The following ALK variants were observed in gnomAD, a reference collection of about 807,000 sequenced individuals.
ALK encodes ALK receptor tyrosine kinase.
A neutral mutation model predicts 163.1 loss-of-function variants in ALK; 74 were observed. The observed-to-expected ratio is 0.45, with a 90% confidence interval of 0.38 to 0.55. The LOEUF is 0.55. Ranked by LOEUF, ALK falls within the 20% of genes least tolerant of loss-of-function variation. ALK has a pLI of 0.00. For missense variants in ALK, 2,063 were observed against 2,105.3 expected (o/e 0.98, Z 0.39); for synonymous variants, 960 against 843.2 (o/e 1.14, Z -2.40).
intron 5 of ALK, among the ~76,000 whole-genome samples, chr2:29,351,680 T>C (rs951463883): frequency 1.3e-5 from 2 of 152,198 alleles, no homozygotes; most frequent in Non-Finnish European, 2.9e-5. Context: ...TTTATGGTGA[T>C]GATTGCAGCT....
chr2:29,637,787 G>A (rs1160925686), intron 3 of ALK, among the ~76,000 whole-genome samples: 2 of 150,678 alleles, frequency 1.3e-5, no homozygotes, highest in African/African-American at 4.9e-5. Flanking sequence ...TATCATGGTT[G>A]TGATATCACA....
Position 29,226,924 on chromosome 2 carries a change from A to T in ALK, c.3065T>A (p.Ile1022Asn), listed in dbSNP as rs778643763. 6.2e-7 allele frequency: 1 copy of T among 1,614,074 alleles called. No homozygotes were observed. The highest frequency in any genetic ancestry group is 1.1e-5 in the South Asian group (1 of 91,066). The change falls in exon 18 of 29, where the codon ATT (isoleucine) becomes AAT (asparagine). Residue 1022 changes from isoleucine (I) to asparagine (N), a missense_variant and splice_region_variant. Coordinates refer to ENST00000389048, the MANE Select transcript of ALK (RefSeq NM_004304.5). Reference sequence around the variant, plus strand: ...CTCCCCTGGCCCTGCCCCCTTACCAATGCAGGAGACGCCATCCTCAGCCAG... The same window carrying T: ...CTCCCCTGGCCCTGCCCCCTTACCATTGCAGGAGACGCCATCCTCAGCCAG... The part of the protein sequence containing the change: ...TVLAEDGVSC[I>N]VSPTPEPHLP...
At position 29,909,480 on chromosome 2, in the gene ALK, CAGAGAGAGAG is replaced by C. The variant is rs369360033; in HGVS notation, c.667+10503_667+10512del. On this transcript the variant is annotated intron_variant, in intron 1 of 28. Transcript: ENST00000389048. Reference sequence around the variant, plus strand: ...ACACACACAGAGAGAGACAGACAGACAGAGAGAGAGAGAGAGAGAGAGAGAGAGAGAGAGA... The same window carrying C: ...ACACACACAGAGAGAGACAGACAGACAGAGAGAGAGAGAGAGAGAGAGAGA... Among the ~76,000 whole-genome samples the C allele has an allele frequency of 6.0e-3, 822 of 135,978 alleles. 7 individuals are homozygous for C. The highest frequency in any genetic ancestry group is 0.02 in the African/African-American group (729 of 37,214). 89.2% of individuals were successfully genotyped at this position (135,978 alleles called of 152,430 possible).
chr2:29,558,331 A>C (rs1472456381), intron 3 of ALK, among the ~76,000 whole-genome samples: 1 of 152,194 alleles, frequency 6.6e-6, no homozygotes, highest in African/African-American at 2.4e-5. Context: ...GCCTTGGCCC[A>C]GTGACTTCAT....
chr2:29,211,408 A>G (rs1396227525), intron 24 of ALK, among the ~76,000 whole-genome samples: 1 of 152,246 alleles, frequency 6.6e-6, no homozygotes, highest in African/African-American at 2.4e-5. Flanking sequence ...TGTGTATGGA[A>G]TGGTTGTTTT....
At chr2:29,683,623 T>C (rs1456457878) in intron 3 of ALK, among the ~76,000 whole-genome samples, 1 of 152,150 alleles carries the variant, frequency 6.6e-6, no homozygotes, top group African/African-American at 2.4e-5. Flanking sequence ...CATTTGTAAA[T>C]GTGCATGATT....
At chr2:29,441,490 T>A (rs575358306) in intron 4 of ALK, among the ~76,000 whole-genome samples, 11 of 152,252 alleles carry the variant, frequency 7.2e-5, no homozygotes, top group Admixed American at 1.3e-4. Flanking sequence ...CCAGGGAAGC[T>A]CTTGATCAGT....
intron 3 of ALK, among the ~76,000 whole-genome samples, chr2:29,597,489 T>C (rs1338092164): frequency 1.3e-5 from 2 of 152,218 alleles, no homozygotes; most frequent in Non-Finnish European, 2.9e-5. Flanking sequence ...CCAGTGCCCT[T>C]TTCTTAAAAT....
At position 29,671,659 on chromosome 2, in the gene ALK, C is replaced by T. The variant is rs1431512892; in HGVS notation, c.952+23191G>A. Among the ~76,000 whole-genome samples the T allele has an allele frequency of 3.3e-5, 5 of 151,926 alleles. No individual in the cohort carries two copies. The East Asian group carries it at 9.7e-4, about 29-fold the overall frequency. On this transcript the variant is annotated intron_variant, in intron 3 of 28. Coordinates refer to ENST00000389048, the MANE Select transcript of ALK (RefSeq NM_004304.5). ...CAGGAAAATTGTGGGGTAGGGGTGT[C>T]ACAGATGTGAAAGTCTGATTCTCCT...
chr2:29,654,580 G>T (rs1172506419), intron 3 of ALK, among the ~76,000 whole-genome samples: 1 of 152,152 alleles, frequency 6.6e-6, no homozygotes, highest in Non-Finnish European at 1.5e-5. Flanking sequence ...TTAGGACCCA[G>T]AGAAAAGTGA....
intron 4 of ALK, among the ~76,000 whole-genome samples, chr2:29,405,138 G>A (rs62130033): frequency 0.23 from 34,812 of 152,078 alleles, 4,321 homozygotes; most frequent in Non-Finnish European, 0.28. Flanking sequence ...ACTTTTCCTC[G>A]CTAAGCATCT....
chr2:29,254,305 CTA>C (rs765957492), intron 11 of ALK, among the ~76,000 whole-genome samples: 11 of 50,510 alleles, frequency 2.2e-4, no homozygotes, highest in Non-Finnish European at 5.7e-4. Flanking sequence ...CTCTCTCTCT[CTA>C]TATATATATA....
At chr2:29,397,266 T>A (rs890788858) in intron 4 of ALK, among the ~76,000 whole-genome samples, 1 of 152,058 alleles carries the variant, frequency 6.6e-6, no homozygotes, top group Non-Finnish European at 1.5e-5. Flanking sequence ...CAGAGACAGA[T>A]ACACACACAG....
At chr2:29,326,378 C>T (rs946888153) in intron 6 of ALK, among the ~76,000 whole-genome samples, 25 of 152,352 alleles carry the variant, frequency 1.6e-4, no homozygotes, top group Non-Finnish European at 2.9e-5. Context: ...TCCCAATTGT[C>T]AATCAGGGCA....
At chr2:29,565,550 C>T (rs1481606557) in intron 3 of ALK, among the ~76,000 whole-genome samples, 1 of 152,130 alleles carries the variant, frequency 6.6e-6, no homozygotes, top group Non-Finnish European at 1.5e-5. Flanking sequence ...AACAGCAGAG[C>T]CTAAACAAAC....
At chr2:29,414,926 A>G (rs907895114) in intron 4 of ALK, among the ~76,000 whole-genome samples, 1 of 151,390 alleles carries the variant, frequency 6.6e-6, no homozygotes, top group Non-Finnish European at 1.5e-5. Context: ...AGGGAGGTTT[A>G]TCAAATCTTC....
intron 1 of ALK, among the ~76,000 whole-genome samples, chr2:29,862,304 A>G (rs2148407355): frequency 6.6e-6 from 1 of 152,302 alleles, no homozygotes; most frequent in East Asian, 1.9e-4. Context: ...AGGCAAGGGA[A>G]GTGAAAGAAA....
In ALK at chr2:29,193,808, A is replaced by G. The variant is rs1668951556; in HGVS notation, c.4279T>C (p.Ser1427Pro). 5 of 1,599,686 alleles carry G rather than the reference A, an allele frequency of 3.1e-6. No homozygotes were observed. Among genetic ancestry groups the G allele is most frequent in the Middle Eastern group, 1.7e-4 (1 of 5,996 alleles). ...TCCTCCTCCCGTTTTGCCTGTTGAGAGACCAGGAGAGGAGGAACCCCCTCA... is the reference window on the plus strand; with the variant it reads ...TCCTCCTCCCGTTTTGCCTGTTGAGGGACCAGGAGAGGAGGAACCCCCTCA... ...DPEGVPPLLV[S>P]QQAKREEERS... Residue 1427 changes from serine to proline, a missense_variant, in exon 29 of 29, where the codon TCT (serine) becomes CCT (proline). Ser to Pro is a moderately conservative substitution (Grantham distance 74). Transcript: ENST00000389048.
chr2:29,340,524 C>G (rs73920792), intron 5 of ALK, among the ~76,000 whole-genome samples: 1,538 of 152,246 alleles, frequency 0.01, 39 homozygotes, highest in African/African-American at 0.035. Context: ...AGTAGAAGGG[C>G]TGGCTACTTT....
Sources: gnomAD v4.1 joint callset for allele counts (sites outside exome capture counted in the v4.1 genomes callset) on GRCh38, gnomAD v4.1.1 for gene constraint, MANE v1.5 for transcripts, NCBI Gene and HGNC (gene_info 2026-07-23, HGNC 2026-07-21) for gene names.